The following FGGY variants were observed in gnomAD, a reference collection of about 807,000 sequenced individuals.
FGGY encodes FGGY carbohydrate kinase domain containing, also known as FGGY carbohydrate kinase domain-containing protein.
A neutral mutation model predicts 71.3 loss-of-function variants in FGGY; 72 were observed. The ratio of observed to expected loss-of-function variants is 1.01; its 90% CI spans 0.84 to 1.23. The LOEUF (loss-of-function observed/expected upper bound fraction) is 1.23. FGGY is among the 50% of genes most tolerant of loss of function. The pLI, the probability that FGGY is intolerant of heterozygous loss-of-function variation, is 0.00. For synonymous variants in FGGY, 251 were observed against 250.3 expected (o/e 1.00, Z -0.02); for missense variants, 668 against 682.3 (o/e 0.98, Z 0.23).
intron 5 of FGGY, among the ~76,000 whole-genome samples, chr1:59,386,965 A>G (rs1193443836): frequency 1.3e-5 from 2 of 152,114 alleles, no homozygotes; most frequent in African/African-American, 4.8e-5. Context: ...GGTTATTAGT[A>G]AATATTCTAC....
intron 4 of FGGY, among the ~76,000 whole-genome samples, chr1:59,369,195 G>A (rs148063977): frequency 0.031 from 4,783 of 152,100 alleles, 98 homozygotes; most frequent in East Asian, 0.058. Context: ...CTGGAAAATC[G>A]GGTCACTCCC....
rs372920140 is a variant in FGGY, at chr1:59,449,448, A to AT, written c.555-7505dup. 5.3e-4 allele frequency among the ~76,000 whole-genome samples: 80 copies of AT among 151,290 alleles called. No homozygotes were observed. The East Asian group carries it at 7.0e-3, about 13-fold the overall frequency. On this transcript the variant is annotated intron_variant, in intron 5 of 15. Coordinates refer to ENST00000303721, the MANE Select transcript of FGGY (RefSeq NM_018291.5). ...AGGCGCACACCACCACGCCCAACTA[A>AT]TTTTTTTTGTATTTTTAGTAGAGAT...
chr1:59,346,681 C>G (rs1001629928), intron 4 of FGGY, among the ~76,000 whole-genome samples: 1 of 152,128 alleles, frequency 6.6e-6, no homozygotes, highest in African/African-American at 2.4e-5. Flanking sequence ...TTTAGGGTGT[C>G]TGTTTTGTAG....
chr1:59,595,848 T>G (rs1558489062), intron 8 of FGGY, among the ~76,000 whole-genome samples: 1 of 152,146 alleles, frequency 6.6e-6, no homozygotes, highest in Non-Finnish European at 1.5e-5. Flanking sequence ...AGATACAGGT[T>G]CATACCCTAG....
At chr1:59,402,630 A>G (rs1412489218) in intron 5 of FGGY, among the ~76,000 whole-genome samples, 1 of 152,210 alleles carries the variant, frequency 6.6e-6, no homozygotes, top group South Asian at 2.1e-4. Context: ...AGTATTTGGA[A>G]TAAGCTTGGT....
chr1:59,517,620 G>C (rs1045165117), intron 7 of FGGY, among the ~76,000 whole-genome samples: 2 of 152,084 alleles, frequency 1.3e-5, no homozygotes, highest in Admixed American at 6.6e-5. Flanking sequence ...TTCCCAAGTT[G>C]ACTTAAGCAC....
chr1:59,374,570 C>T (rs1475611287), intron 4 of FGGY, among the ~76,000 whole-genome samples: 3 of 151,950 alleles, frequency 2.0e-5, no homozygotes, highest in East Asian at 1.9e-4. Flanking sequence ...ACCCAAAGGA[C>T]TATAAATCAT....
Position 59,554,647 on chromosome 1 carries a change from G to A in FGGY, c.903+420G>A, listed in dbSNP as rs141840873. 6.1e-3 allele frequency among the ~76,000 whole-genome samples: 936 copies of A among 152,212 alleles called. 6 individuals carry two copies. The highest frequency in any genetic ancestry group is 9.8e-3 in the Non-Finnish European group (667 of 68,016). ...AATATAAATCCATCTCCCTGGGAGC[G>A]TCCTGATGATCTATAGAATTAGCCT... On this transcript the variant is annotated intron_variant, in intron 8 of 15. Transcript: ENST00000303721.
chr1:59,546,532 GA>G (rs2095527198), intron 7 of FGGY, among the ~76,000 whole-genome samples: 2 of 102,130 alleles, frequency 2.0e-5, no homozygotes, highest in Admixed American at 2.4e-4. Context: ...TGATGATGAT[GA>G]TGATTATTAT....
At chr1:59,750,251 C>A (rs1016538050) in intron 14 of FGGY, among the ~76,000 whole-genome samples, 2 of 152,036 alleles carry the variant, frequency 1.3e-5, no homozygotes, top group Non-Finnish European at 2.9e-5. Flanking sequence ...ACCAAGAGAC[C>A]AATTTGAGGT....
intron 7 of FGGY, among the ~76,000 whole-genome samples, chr1:59,549,855 G>A (rs889058749): frequency 6.6e-6 from 1 of 152,168 alleles, no homozygotes; most frequent in Non-Finnish European, 1.5e-5. Flanking sequence ...AGAGATGAAG[G>A]GAGACAGCAT....
At chr1:59,318,394 G>C (rs1415831063) in intron 1 of FGGY, among the ~76,000 whole-genome samples, 1 of 152,192 alleles carries the variant, frequency 6.6e-6, no homozygotes, top group Non-Finnish European at 1.5e-5. Context: ...CTGTGACACA[G>C]GCGGCAGCTG....
intron 5 of FGGY, among the ~76,000 whole-genome samples, chr1:59,399,450 A>G (rs879822184): frequency 6.6e-6 from 1 of 152,190 alleles, no homozygotes; most frequent in Non-Finnish European, 1.5e-5. Context: ...GGTAAGGTTT[A>G]GAGAAGTTAA....
chr1:59,373,781 A>T (rs2153277143), intron 4 of FGGY, among the ~76,000 whole-genome samples: 1 of 152,288 alleles, frequency 6.6e-6, no homozygotes, highest in East Asian at 1.9e-4. Context: ...ATCTTTGACA[A>T]ACCTGAGAAA....
chr1:59,651,511 CTTCT>C (rs1324986802), intron 11 of FGGY, among the ~76,000 whole-genome samples: 2 of 145,584 alleles, frequency 1.4e-5, no homozygotes, highest in Admixed American at 1.4e-4. Context: ...ATGTAATGGC[CTTCT>C]TTGTCTCTTT....
intron 11 of FGGY, among the ~76,000 whole-genome samples, chr1:59,645,097 A>C (rs1295142796): frequency 6.6e-6 from 1 of 152,188 alleles, no homozygotes; most frequent in Non-Finnish European, 1.5e-5. Flanking sequence ...TACCACTGCA[A>C]AGCAGTAAAG....
At chr1:59,648,295 C>T (rs958869897) in intron 11 of FGGY, among the ~76,000 whole-genome samples, 2 of 122,920 alleles carry the variant, frequency 1.6e-5, no homozygotes, top group Non-Finnish European at 3.3e-5. Context: ...AATGGTATTT[C>T]TAGTTCTAGA....
intron 14 of FGGY, among the ~76,000 whole-genome samples, chr1:59,681,783 TACAC>T (rs372869163): frequency 2.3e-4 from 31 of 137,122 alleles, no homozygotes; most frequent in Middle Eastern, 3.6e-3. Flanking sequence ...CCTTGAAAAA[TACAC>T]ACACACACAC....
At chr1:59,481,180 A>T (rs1259980482) in intron 6 of FGGY, among the ~76,000 whole-genome samples, 1 of 152,246 alleles carries the variant, frequency 6.6e-6, no homozygotes, top group Non-Finnish European at 1.5e-5. Flanking sequence ...AAACATTTTA[A>T]ACAAGGAAAT....
Sources: allele counts gnomAD v4.1 joint callset (sites outside exome capture counted in the v4.1 genomes callset), GRCh38; gene constraint gnomAD v4.1.1; transcripts MANE v1.5; gene names NCBI Gene and HGNC (gene_info 2026-07-23, HGNC 2026-07-21).